The following CASC3 variants were observed in gnomAD, a reference collection of about 807,000 sequenced individuals.
CASC3 encodes the protein CASC3 exon junction complex subunit, also known as protein CASC3.
Under a neutral mutation model 80.5 loss-of-function variants are expected in CASC3, and 30 were observed. That is an observed-to-expected ratio of 0.37 (90% CI 0.28 to 0.51). The LOEUF (loss-of-function observed/expected upper bound fraction) is 0.51. CASC3 is among the 20% of genes least tolerant of loss of function. The probability of loss-of-function intolerance (pLI) is 0.94; values close to 1 mark genes in which losing one functional copy is unlikely to be tolerated. For synonymous variants in CASC3, 312 were observed against 333.6 expected, an observed-to-expected ratio of 0.94 and a Z score of 0.70; for missense variants, 824 against 922.2, an observed-to-expected ratio of 0.89 and a Z score of 1.38.
At chr17:40,163,428 C>T (rs1429088194) in intron 6 of CASC3, 53 bp from the exon 7 acceptor site, 43 of 1,506,188 alleles carry the variant, frequency 2.9e-5, no homozygotes, top group South Asian at 8.8e-5. Context: ...AGCCACCGCG[C>T]GTAGCCTCCT....
intron 3 of CASC3, among the ~76,000 whole-genome samples, chr17:40,151,175 C>A (rs1184898851): frequency 6.6e-6 from 1 of 152,074 alleles, no homozygotes; most frequent in Admixed American, 6.6e-5. Context: ...TCGAGACCAG[C>A]CTGGGCAACA....
chr17:40,144,034 C>T (rs1988789753), intron 3 of CASC3, among the ~76,000 whole-genome samples: 2 of 151,854 alleles, frequency 1.3e-5, no homozygotes, highest in Admixed American at 6.6e-5. Flanking sequence ...GGTGAATCAC[C>T]TGCGGTCAGG....
Position 40,167,492 on chromosome 17 carries a change from T to C in CASC3, c.1537-6T>C, listed in dbSNP as rs775727974. On this transcript the variant is annotated splice_polypyrimidine_tract_variant and splice_region_variant and intron_variant, in intron 8 of 13. Coordinates refer to ENST00000264645, the MANE Select transcript of CASC3 (RefSeq NM_007359.5). ...CTTATTGTTTAGGCCTCTTTCTTTG[T>C]CTCAGGGTGTCCAGGGTGGTCGAGC... 8 of 1,610,324 alleles carry C rather than the reference T, an allele frequency of 5.0e-6. No homozygotes were observed. In the East Asian group the frequency reaches 1.3e-4, roughly 27 times the overall value.
intron 11 of CASC3, 115 bp downstream of exon 11, chr17:40,168,532 TG>T (rs1989512440): frequency 1.1e-6 from 1 of 909,464 alleles, no homozygotes; most frequent in Non-Finnish European, 1.7e-6. Context: ...GCCACTGATT[TG>T]TATGTGACAC....
Position 40,141,252 on chromosome 17 carries a change from C to A in CASC3, c.259+18C>A. ...AGGTGATGGTGAGTAGCATCTTTTA[C>A]CCCATTAGGACAAGAGTTTTTTTTA... On this transcript the variant is annotated intron_variant, in intron 2 of 13. Transcript: ENST00000264645. The A allele has an allele frequency of 6.2e-7, 1 of 1,610,300 alleles. No homozygotes were observed. Among genetic ancestry groups the A allele is most frequent in the South Asian group, 1.1e-5 (1 of 90,974 alleles).
chr17:40,143,086 C>CA (rs59510595), intron 3 of CASC3, among the ~76,000 whole-genome samples: 2,343 of 109,064 alleles, frequency 0.021, 34 homozygotes, highest in South Asian at 0.047. Flanking sequence ...GACTCTGTCT[C>CA]AAAAAAAAAA....
At chr17:40,149,096 G>A (rs774336912) in intron 3 of CASC3, among the ~76,000 whole-genome samples, 2 of 151,766 alleles carry the variant, frequency 1.3e-5, no homozygotes, top group Non-Finnish European at 2.9e-5. Flanking sequence ...GGCTGGTCTC[G>A]AACTCCTGGT....
Position 40,141,242 on chromosome 17 carries a change from G to T in CASC3, c.259+8G>T. 2 of 1,612,608 alleles carry T rather than the reference G, an allele frequency of 1.2e-6. No homozygotes were observed. Among genetic ancestry groups the T allele is most frequent in the Non-Finnish European group, 1.7e-6 (2 of 1,178,686 alleles). ...ATGGCATTGAAGGTGATGGTGAGTA[G>T]CATCTTTTACCCCATTAGGACAAGA... is the stretch of plus-strand genomic sequence containing the variant. On this transcript the variant is annotated splice_region_variant and intron_variant, in intron 2 of 13. Transcript: ENST00000264645.
At chr17:40,157,800 A>G (rs1989190444) in intron 3 of CASC3, among the ~76,000 whole-genome samples, 1 of 152,244 alleles carries the variant, frequency 6.6e-6, no homozygotes, top group East Asian at 1.9e-4. Flanking sequence ...TACCAATAAC[A>G]TAAACAGTCA....
At chr17:40,164,266 C>T in intron 7 of CASC3, 100 bp downstream of exon 7, 1 of 1,005,646 alleles carries the variant, frequency 9.9e-7, no homozygotes, top group Non-Finnish European at 1.4e-6. Context: ...TGACAAATGT[C>T]TACTTCTTTT....
At chr17:40,164,203 T>C in intron 7 of CASC3, 37 bp downstream of exon 7, 1 of 1,508,170 alleles carries the variant, frequency 6.6e-7, no homozygotes, top group Non-Finnish European at 8.9e-7. Flanking sequence ...CTTTTTCCCC[T>C]TTGCATCATC....
intron 8 of CASC3, chr17:40,167,085 C>T (rs1184150472): frequency 5.7e-6 from 3 of 530,280 alleles, no homozygotes; most frequent in African/African-American, 2.0e-5. Flanking sequence ...CCTCAGCCTC[C>T]CGAGTAGCTG....
rs754030464 is a variant in CASC3 at position 40,162,795 on chromosome 17, G to A, written c.679G>A (p.Glu227Lys). The change falls in exon 6 of 14, where the codon GAG (glutamate) becomes AAG (lysine). Residue 227 changes from glutamate (E) to lysine (K), a missense_variant. Around this residue, in one of 3 missense-constraint regions of CASC3, gnomAD observed 201 missense variants for 294.1 expected, o/e 0.68. Transcript: ENST00000264645. ...GGAGCATGACAAGTTCCGGGAAGAT[G>A]AGCAGGCCCCAAAGTCCCGACAGGA... ...RWEHDKFRED[E>K]QAPKSRQELI... 1.2e-6 allele frequency: 2 copies of A among 1,614,132 alleles called. No individual in the cohort carries two copies. The highest frequency in any genetic ancestry group is 1.7e-6 in the Non-Finnish European group (2 of 1,180,020).
intron 3 of CASC3, among the ~76,000 whole-genome samples, chr17:40,146,942 T>G (rs188175132): frequency 5.3e-5 from 8 of 152,236 alleles, no homozygotes; most frequent in Non-Finnish European, 8.8e-5. Flanking sequence ...AAAGTCAAAA[T>G]TATAAGTTGA....
intron 3 of CASC3, among the ~76,000 whole-genome samples, chr17:40,153,659 C>T (rs576568546): frequency 3.9e-4 from 60 of 152,116 alleles, no homozygotes; most frequent in African/African-American, 1.4e-3. Flanking sequence ...CTTAACAGCA[C>T]TTGTTGTGTT....
chr17:40,159,949 C>T (rs1311726819), intron 3 of CASC3, among the ~76,000 whole-genome samples: 1 of 151,992 alleles, frequency 6.6e-6, no homozygotes, highest in Non-Finnish European at 1.5e-5. Flanking sequence ...CTCCGGACCT[C>T]AAGTGATCCA....
intron 3 of CASC3, among the ~76,000 whole-genome samples, chr17:40,161,041 G>T (rs925299805): frequency 6.6e-6 from 1 of 151,762 alleles, no homozygotes; most frequent in Non-Finnish European, 1.5e-5. Context: ...GTGCAGTGGC[G>T]CAGTCTCTGC....
chr17:40,165,052 C>T (rs1322593213), intron 7 of CASC3, among the ~76,000 whole-genome samples: 1 of 151,134 alleles, frequency 6.6e-6, no homozygotes, highest in African/African-American at 2.4e-5. Context: ...TCCTGAATAG[C>T]TGGGACTACA....
intron 3 of CASC3, among the ~76,000 whole-genome samples, chr17:40,149,560 AAGG>A (rs1988946310): frequency 6.7e-6 from 1 of 150,300 alleles, no homozygotes; most frequent in African/African-American, 2.5e-5. Flanking sequence ...AAAGAAAAGA[AAGG>A]GGGAAAAAAG....
Sources: gnomAD v4.1 joint callset for allele counts (sites outside exome capture counted in the v4.1 genomes callset) on GRCh38, gnomAD v4.1.1 for gene constraint, gnomAD v4.1.1 regional missense constraint, MANE v1.5 for transcripts, NCBI Gene and HGNC (gene_info 2026-07-23, HGNC 2026-07-21) for gene names.